ASH1L: variants seen among roughly 807,000 people sequenced by gnomAD.
The protein encoded by ASH1L is histone-lysine N-methyltransferase ASH1L.
ASH1L carries 23 observed loss-of-function variants against 269.0 expected under a neutral mutation model. The ratio of observed to expected loss-of-function variants is 0.09; its 90% CI spans 0.06 to 0.12. The LOEUF is 0.12. Ranked by LOEUF, ASH1L falls within the 10% of genes least tolerant of loss-of-function variation. ASH1L has a pLI of 1.00. For synonymous variants in ASH1L, 1,187 were observed against 1,253.5 expected (o/e 0.95, Z 1.12); for missense variants, 2,912 against 3,567.8 (o/e 0.82, Z 4.68).
In ASH1L at chr1:155,369,174, T is replaced by A. The variant is rs192547810; in HGVS notation, c.6686+1330A>T. ...TCTATGTATTTCTAGACGGGCGCGG[T>A]GGCTCACGCCTGTAATCCCAGCACT... On this transcript the variant is annotated intron_variant, in intron 12 of 27. Coordinates refer to ENST00000392403, the MANE Select transcript of ASH1L (RefSeq NM_018489.3). Among the ~76,000 whole-genome samples the A allele has an allele frequency of 1.9e-3, 296 of 152,306 alleles. 1 individual carries two copies. The highest frequency in any genetic ancestry group is 6.5e-3 in the African/African-American group (272 of 41,568).
At chr1:155,449,408 T>G (rs1002248703) in intron 4 of ASH1L, among the ~76,000 whole-genome samples, 1 of 152,378 alleles carries the variant, frequency 6.6e-6, no homozygotes, top group Middle Eastern at 3.4e-3. Flanking sequence ...TGAAAATATA[T>G]TCTGCATGAG....
chr1:155,432,302 T>C (rs1661671316), intron 5 of ASH1L, among the ~76,000 whole-genome samples: 1 of 152,192 alleles, frequency 6.6e-6, no homozygotes, highest in Non-Finnish European at 1.5e-5. Context: ...TTACTTTTTC[T>C]GGGAAACTAA....
At chr1:155,558,212 T>G (rs1671724816) in intron 1 of ASH1L, among the ~76,000 whole-genome samples, 1 of 152,152 alleles carries the variant, frequency 6.6e-6, no homozygotes, top group Non-Finnish European at 1.5e-5. Context: ...CTCACACCTG[T>G]AATCCCAACA....
At chr1:155,444,774 G>A (rs958988049) in intron 4 of ASH1L, among the ~76,000 whole-genome samples, 33 of 149,984 alleles carry the variant, frequency 2.2e-4, no homozygotes, top group South Asian at 4.2e-4. Context: ...CTGCCACTAC[G>A]CCCGGCTAAT....
chr1:155,488,101 G>C (rs1179365106), intron 2 of ASH1L, among the ~76,000 whole-genome samples: 1 of 150,114 alleles, frequency 6.7e-6, no homozygotes, highest in East Asian at 2.0e-4. Flanking sequence ...TGGCCAGGCT[G>C]GTCTTGAACT....
At chr1:155,396,235 G>C (rs1251157932) in intron 6 of ASH1L, 1 of 151,966 alleles carries the variant, frequency 6.6e-6, no homozygotes, top group Non-Finnish European at 1.5e-5. Flanking sequence ...AAACAAAAAA[G>C]GAAAATGAGA....
chr1:155,337,889 C>G, intron 27 of ASH1L, 138 bp from the exon 28 acceptor site: 2 of 1,028,322 alleles, frequency 1.9e-6, no homozygotes, highest in South Asian at 3.1e-5. Flanking sequence ...TCCAACCCTA[C>G]GTGAAAAAGG....
intron 3 of ASH1L, among the ~76,000 whole-genome samples, chr1:155,460,891 A>G (rs1292769187): frequency 6.6e-6 from 1 of 152,224 alleles, no homozygotes; most frequent in East Asian, 1.9e-4. Context: ...CTCCCGCTCA[A>G]AAGAAAAGTA....
chr1:155,416,074 TCTC>T, intron 5 of ASH1L, 151 bp from the exon 6 acceptor site: 1 of 567,472 alleles, frequency 1.8e-6, no homozygotes, highest in East Asian at 3.1e-5. Flanking sequence ...GTACCAGACT[TCTC>T]CTGACAAGAA....
intron 4 of ASH1L, among the ~76,000 whole-genome samples, chr1:155,452,943 T>A (rs561252691): frequency 6.6e-6 from 1 of 152,334 alleles, no homozygotes; most frequent in Non-Finnish European, 1.5e-5. Context: ...ATGCCACATG[T>A]AAACCTTAGG....
At chr1:155,503,880 A>G (rs970917969) in intron 2 of ASH1L, among the ~76,000 whole-genome samples, 2 of 152,196 alleles carry the variant, frequency 1.3e-5, no homozygotes, top group African/African-American at 2.4e-5. Context: ...GTAAGCCACC[A>G]TGCCTGGCTA....
intron 3 of ASH1L, among the ~76,000 whole-genome samples, chr1:155,469,472 C>T (rs999833514): frequency 1.3e-5 from 2 of 152,110 alleles, no homozygotes; most frequent in African/African-American, 4.8e-5. Context: ...CGTGAGCCAC[C>T]ACGTCCACCC....
chr1:155,393,188 G>A (rs1200607914), intron 7 of ASH1L, among the ~76,000 whole-genome samples: 1 of 152,118 alleles, frequency 6.6e-6, no homozygotes, highest in Non-Finnish European at 1.5e-5. Flanking sequence ...ATTAAACCTT[G>A]TAACTTCATG....
intron 17 of ASH1L, among the ~76,000 whole-genome samples, chr1:155,350,112 A>T (rs1653760135): frequency 6.6e-6 from 1 of 151,424 alleles, no homozygotes; most frequent in Non-Finnish European, 1.5e-5. Flanking sequence ...GCTGGTCTCG[A>T]TCTGACCTCG....
intron 3 of ASH1L, among the ~76,000 whole-genome samples, chr1:155,476,301 G>A (rs1341489271): frequency 3.3e-5 from 5 of 151,868 alleles, no homozygotes; most frequent in Non-Finnish European, 7.4e-5. Context: ...CAGGAGAATC[G>A]CTTGAACCCG....
chr1:155,485,255 C>CAA (rs71080707), intron 2 of ASH1L, among the ~76,000 whole-genome samples: 2 of 139,302 alleles, frequency 1.4e-5, no homozygotes, highest in Admixed American at 7.2e-5. Context: ...GATTCCGTCT[C>CAA]AAAAAAAAAA....
chr1:155,487,022 G>C (rs1035348097), intron 2 of ASH1L, among the ~76,000 whole-genome samples: 1 of 152,048 alleles, frequency 6.6e-6, no homozygotes, highest in Non-Finnish European at 1.5e-5. Context: ...AAAATTAGCC[G>C]GGTGTGGTAG....
At chr1:155,398,768 G>A (rs764670364) in intron 6 of ASH1L, among the ~76,000 whole-genome samples, 1 of 152,014 alleles carries the variant, frequency 6.6e-6, no homozygotes, top group African/African-American at 2.4e-5. Flanking sequence ...GTGCAGTGGC[G>A]AGATCTCAGC....
chr1:155,489,198 C>T (rs533043341), intron 2 of ASH1L, among the ~76,000 whole-genome samples: 33 of 152,086 alleles, frequency 2.2e-4, no homozygotes, highest in African/African-American at 6.5e-4. Context: ...AATATGTGGG[C>T]GCGGTGGCTC....
Sources: gnomAD v4.1 joint callset for allele counts (sites outside exome capture counted in the v4.1 genomes callset) on GRCh38, gnomAD v4.1.1 for gene constraint, MANE v1.5 for transcripts, NCBI Gene and HGNC (gene_info 2026-07-23, HGNC 2026-07-21) for gene names.